Variants in VOPP1 observed in about 807,000 individuals in gnomAD.
The protein encoded by VOPP1 is WW domain binding protein VOPP1.
Under a neutral mutation model 23.5 loss-of-function variants are expected in VOPP1, and 8 were observed. That is an observed-to-expected ratio of 0.34 (90% confidence interval 0.20 to 0.61). The LOEUF (loss-of-function observed/expected upper bound fraction) is 0.61, where lower values mean the gene tolerates loss of function less well. VOPP1 is among the 20% of genes least tolerant of loss of function. The pLI, the probability that VOPP1 is intolerant of heterozygous loss-of-function variation, is 0.78. For missense variants in VOPP1, 174 were observed against 238.1 expected (o/e 0.73, Z 1.77); for synonymous variants, 83 against 97.3 (o/e 0.85, Z 0.86).
At chr7:55,497,537 G>T in intron 3 of VOPP1, 76 bp downstream of exon 3, 1 of 1,272,222 alleles carries the variant, frequency 7.9e-7, no homozygotes, top group Non-Finnish European at 1.1e-6. Flanking sequence ...TCGCATCCAA[G>T]GCTGTGACAA....
At chr7:55,451,894 G>A (rs1440461733) in intron 4 of VOPP1, among the ~76,000 whole-genome samples, 2 of 152,208 alleles carry the variant, frequency 1.3e-5, no homozygotes, top group East Asian at 1.9e-4. Flanking sequence ...CAGTGTTGAC[G>A]GCTGCTAACT....
At chr7:55,458,725 A>C (rs919166046) in intron 4 of VOPP1, among the ~76,000 whole-genome samples, 11 of 152,088 alleles carry the variant, frequency 7.2e-5, no homozygotes, top group African/African-American at 2.4e-4. Flanking sequence ...AATACTACTA[A>C]TATTATATTC....
chr7:55,511,127 T>C (rs1255889963), intron 2 of VOPP1, among the ~76,000 whole-genome samples: 1 of 152,140 alleles, frequency 6.6e-6, no homozygotes, highest in South Asian at 2.1e-4. Context: ...AGAAGGGATG[T>C]TGCAGCAGAA....
intron 1 of VOPP1, chr7:55,538,750 G>T: frequency 1.7e-6 from 2 of 1,195,402 alleles, no homozygotes; most frequent in Non-Finnish European, 2.3e-6. Flanking sequence ...ATAAAGGAAC[G>T]CTTTCTAAGG....
At chr7:55,466,364 A>G (rs1791631774), downstream of VOPP1, among the ~76,000 whole-genome samples, 1 of 152,188 alleles carries the variant, frequency 6.6e-6, no homozygotes, top group African/African-American at 2.4e-5. Flanking sequence ...TCAGAGTCAA[A>G]ATGGAGGGAG....
chr7:55,503,373 A>C (rs1794497158), intron 2 of VOPP1, among the ~76,000 whole-genome samples: 1 of 152,216 alleles, frequency 6.6e-6, no homozygotes, highest in African/African-American at 2.4e-5. Context: ...TTAGTCCTGC[A>C]CAGGAGGAAA....
intron 2 of VOPP1, among the ~76,000 whole-genome samples, chr7:55,514,552 C>T (rs1795283162): frequency 6.6e-6 from 1 of 152,232 alleles, no homozygotes; most frequent in Admixed American, 6.5e-5. Flanking sequence ...TGAGTGCCTT[C>T]TATGGGCCAG....
At chr7:55,480,161 G>A (rs1441108874) in intron 4 of VOPP1, among the ~76,000 whole-genome samples, 1 of 152,166 alleles carries the variant, frequency 6.6e-6, no homozygotes, top group Admixed American at 6.5e-5. Flanking sequence ...ATGATTTGCA[G>A]TAATTGATAC....
intron 1 of VOPP1, among the ~76,000 whole-genome samples, chr7:55,543,236 G>C (rs1797217527): frequency 1.3e-5 from 2 of 152,092 alleles, no homozygotes; most frequent in African/African-American, 2.4e-5. Flanking sequence ...TCTTTATTAT[G>C]GCTTTATAAT....
intron 1 of VOPP1, chr7:55,571,671 C>G (rs1244622093): frequency 6.6e-6 from 1 of 152,348 alleles, no homozygotes; most frequent in Admixed American, 6.5e-5. Context: ...TCCGCACCCC[C>G]ACCCAGCCAG....
At chr7:55,458,609 AC>A (rs1222284483) in intron 4 of VOPP1, among the ~76,000 whole-genome samples, 1 of 152,004 alleles carries the variant, frequency 6.6e-6, no homozygotes, top group Non-Finnish European at 1.5e-5. Context: ...CCTTGTAGAG[AC>A]CTTTCACCTT....
At chr7:55,467,503 A>G (rs1162560958), downstream of VOPP1, among the ~76,000 whole-genome samples, 3 of 152,142 alleles carry the variant, frequency 2.0e-5, no homozygotes, top group East Asian at 1.9e-4. Context: ...TTCAACTTCT[A>G]TCTCCTCAGA....
intron 2 of VOPP1, among the ~76,000 whole-genome samples, chr7:55,519,988 C>T (rs1471680130): frequency 6.6e-6 from 1 of 152,064 alleles, no homozygotes; most frequent in African/African-American, 2.4e-5. Flanking sequence ...ATTAGCTGGG[C>T]GTGGTGGCAC....
chr7:55,567,516 TA>T (rs1475430584), intron 1 of VOPP1, among the ~76,000 whole-genome samples: 1 of 152,340 alleles, frequency 6.6e-6, no homozygotes, highest in East Asian at 1.9e-4. Context: ...AAGTGAGCAC[TA>T]GCCTAATCCT....
chr7:55,552,837 G>A, intron 1 of VOPP1: 1 of 1,432,760 alleles, frequency 7.0e-7, no homozygotes, highest in Non-Finnish European at 9.1e-7. Context: ...AACCCAGAAA[G>A]GTGACGGAGC....
intron 1 of VOPP1, among the ~76,000 whole-genome samples, chr7:55,569,475 C>T (rs80246326): frequency 0.011 from 1,667 of 152,266 alleles, 11 homozygotes; most frequent in Middle Eastern, 0.024. Context: ...TGTGCGCAGA[C>T]GGCAGAGGAA....
chr7:55,448,951 G>A (rs1791171608), intron 4 of VOPP1, among the ~76,000 whole-genome samples: 3 of 152,228 alleles, frequency 2.0e-5, no homozygotes, highest in South Asian at 2.1e-4. Flanking sequence ...GAGATGCGAT[G>A]TAATCCTTAG....
chr7:55,486,526 G>T (rs1793158637), intron 4 of VOPP1, among the ~76,000 whole-genome samples: 2 of 152,272 alleles, frequency 1.3e-5, no homozygotes, highest in South Asian at 4.1e-4. Flanking sequence ...CAGATGCACA[G>T]AGCTGGAGGA....
chr7:55,512,940 T>C (rs1471848300), intron 2 of VOPP1, among the ~76,000 whole-genome samples: 1 of 152,266 alleles, frequency 6.6e-6, no homozygotes, highest in Non-Finnish European at 1.5e-5. Context: ...CCAGCGGTGC[T>C]GGCTCTGCCA....
Sources: gnomAD v4.1 joint callset for allele counts (sites outside exome capture counted in the v4.1 genomes callset) on GRCh38, gnomAD v4.1.1 for gene constraint, MANE v1.5 for transcripts, NCBI Gene and HGNC (gene_info 2026-07-23, HGNC 2026-07-21) for gene names.